MAST4: variants seen among roughly 807,000 people sequenced by gnomAD.
MAST4 encodes the protein microtubule-associated serine/threonine-protein kinase 4.
MAST4 carries 89 observed loss-of-function variants against 162.7 expected under a neutral mutation model. The observed-to-expected ratio is 0.55, with a 90% CI of 0.46 to 0.65. MAST4 has a LOEUF of 0.65. Among genes scored for constraint, MAST4 ranks in the 30% least tolerant of loss-of-function variants. The pLI, the probability that MAST4 is intolerant of heterozygous loss-of-function variation, is 0.00. For missense variants in MAST4, 3,153 were observed against 3,374.0 expected (o/e 0.93, Z 1.62); for synonymous variants, 1,479 against 1,361.1 (o/e 1.09, Z -1.91).
At chr5:66,977,058 A>G (rs1748232760) in intron 4 of MAST4, among the ~76,000 whole-genome samples, 1 of 152,192 alleles carries the variant, frequency 6.6e-6, no homozygotes, top group Admixed American at 6.5e-5. Flanking sequence ...ATCAGGGCTG[A>G]TATAGAAAGT....
At chr5:67,109,919 G>A (rs1766027767) in intron 10 of MAST4, among the ~76,000 whole-genome samples, 179 bp from the exon 11 acceptor site, 1 of 152,138 alleles carries the variant, frequency 6.6e-6, no homozygotes, top group Admixed American at 6.5e-5. Flanking sequence ...GTAGATATAG[G>A]CGTTTAATAG....
intron 4 of MAST4, among the ~76,000 whole-genome samples, chr5:67,001,086 T>C (rs886848434): frequency 5.3e-5 from 8 of 152,224 alleles, no homozygotes; most frequent in Non-Finnish European, 1.2e-4. Context: ...AGACCAGCTA[T>C]AGTCTTAAGA....
intron 4 of MAST4, among the ~76,000 whole-genome samples, chr5:66,929,755 G>A (rs143622383): frequency 6.6e-6 from 1 of 152,266 alleles, no homozygotes; most frequent in East Asian, 1.9e-4. Flanking sequence ...TATCTGGAAT[G>A]AATTTGTGTT....
intron 26 of MAST4, among the ~76,000 whole-genome samples, chr5:67,157,925 A>G (rs1030887928): frequency 6.6e-6 from 1 of 152,264 alleles, no homozygotes; most frequent in African/African-American, 2.4e-5. Flanking sequence ...GCTTTTAAAA[A>G]GTCAATCCTG....
intron 2 of MAST4, among the ~76,000 whole-genome samples, chr5:66,783,717 T>G (rs1754982847): frequency 6.6e-6 from 1 of 152,082 alleles, no homozygotes; most frequent in Non-Finnish European, 1.5e-5. Flanking sequence ...ATTGAGTGAT[T>G]TCAGAGAAGG....
intron 3 of MAST4, among the ~76,000 whole-genome samples, chr5:66,892,425 A>G (rs1762418920): frequency 6.6e-6 from 1 of 152,166 alleles, no homozygotes; most frequent in African/African-American, 2.4e-5. Context: ...AGCACCAGCC[A>G]TATCCACCTT....
intron 3 of MAST4, among the ~76,000 whole-genome samples, chr5:66,801,063 T>C (rs1277283029): frequency 6.6e-6 from 1 of 152,212 alleles, no homozygotes; most frequent in East Asian, 1.9e-4. Flanking sequence ...AGTTAGAAGA[T>C]GCCTTTTGGG....
chr5:66,958,895 G>A (rs1463216433), intron 4 of MAST4: 1 of 249,708 alleles, frequency 4.0e-6, no homozygotes, highest in Non-Finnish European at 7.8e-6. Context: ...AGTCTGCAGG[G>A]TGAAAAGGAC....
intron 2 of MAST4, among the ~76,000 whole-genome samples, chr5:66,771,502 T>C (rs1368032892): frequency 6.6e-6 from 1 of 152,142 alleles, no homozygotes; most frequent in African/African-American, 2.4e-5. Context: ...TAAATATATT[T>C]CTATCGGGAG....
At chr5:66,988,015 TTTG>T (rs1252301065) in intron 4 of MAST4, among the ~76,000 whole-genome samples, 1 of 152,180 alleles carries the variant, frequency 6.6e-6, no homozygotes, top group Non-Finnish European at 1.5e-5. Context: ...AACTCAATGT[TTTG>T]TTGTTTTGTG....
intron 2 of MAST4, among the ~76,000 whole-genome samples, chr5:66,760,741 A>G (rs40036): frequency 0.15 from 23,196 of 152,150 alleles, 2,096 homozygotes; most frequent in East Asian, 0.45. Context: ...AACTTTATAA[A>G]ATTAGGTTCT....
chr5:67,021,391 T>C (rs1753962420), intron 4 of MAST4, among the ~76,000 whole-genome samples: 1 of 152,204 alleles, frequency 6.6e-6, no homozygotes, highest in Non-Finnish European at 1.5e-5. Flanking sequence ...TATTTCTCAC[T>C]ATATATTGCA....
intron 3 of MAST4, among the ~76,000 whole-genome samples, chr5:66,867,143 T>G (rs929977974): frequency 6.6e-6 from 1 of 152,226 alleles, no homozygotes; most frequent in African/African-American, 2.4e-5. Context: ...TTTTCTGGTT[T>G]TCTAGGCTAG....
Position 66,990,046 on chromosome 5 carries a change from A to G in MAST4, c.675-64358A>G, listed in dbSNP as rs983308266. ...GAATTTGCCAGCTGTTGACAGATCT[A>G]TGGAAGAGTCAGTGTGGTAAGAAGT... is the stretch of plus-strand genomic sequence containing the variant. On this transcript the variant is annotated intron_variant, in intron 4 of 28. Coordinates refer to ENST00000403625, the MANE Select transcript of MAST4 (RefSeq NM_001164664.2). Among the ~76,000 whole-genome samples the G allele has an allele frequency of 7.9e-5, 12 of 152,310 alleles. No homozygotes were observed. In the East Asian group the frequency reaches 1.5e-3, roughly 20 times the overall value.
chr5:66,815,127 C>T (rs189683942), intron 3 of MAST4, among the ~76,000 whole-genome samples: 1 of 152,310 alleles, frequency 6.6e-6, no homozygotes, highest in Admixed American at 6.5e-5. Flanking sequence ...ATTCTTATTG[C>T]ATGCACAACT....
chr5:66,919,882 TTCTC>T (rs1286766077), intron 4 of MAST4, among the ~76,000 whole-genome samples: 1 of 150,994 alleles, frequency 6.6e-6, no homozygotes, highest in East Asian at 2.0e-4. Flanking sequence ...TTCGCTCTCT[TTCTC>T]TATTTTTCTC....
chr5:67,064,845 A>G (rs1760043011), intron 5 of MAST4, among the ~76,000 whole-genome samples: 1 of 152,112 alleles, frequency 6.6e-6, no homozygotes, highest in African/African-American at 2.4e-5. Flanking sequence ...AGAACTCTTG[A>G]AAAACTAGAG....
chr5:66,732,110 CT>C (rs1751891266), intron 1 of MAST4, among the ~76,000 whole-genome samples: 1 of 151,946 alleles, frequency 6.6e-6, no homozygotes, highest in Non-Finnish European at 1.5e-5. Flanking sequence ...TAGACTACTG[CT>C]TGTGTGGTCT....
At chr5:66,760,526 C>T (rs938070687) in intron 2 of MAST4, among the ~76,000 whole-genome samples, 1 of 152,134 alleles carries the variant, frequency 6.6e-6, no homozygotes, top group South Asian at 2.1e-4. Context: ...CCTAGTCAAA[C>T]CCACCCTCTA....
Sources: gnomAD v4.1 joint callset for allele counts (sites outside exome capture counted in the v4.1 genomes callset) on GRCh38, gnomAD v4.1.1 for gene constraint, MANE v1.5 for transcripts, NCBI Gene and HGNC (gene_info 2026-07-23, HGNC 2026-07-21) for gene names.